Variants in BEGAIN observed in about 807,000 individuals in gnomAD.
The protein encoded by BEGAIN is brain-enriched guanylate kinase-associated protein.
A neutral mutation model predicts 35.8 loss-of-function variants in BEGAIN; 19 were observed. The ratio of observed to expected loss-of-function variants is 0.53; its 90% confidence interval spans 0.37 to 0.78. BEGAIN has a LOEUF of 0.78. Among genes scored for constraint, BEGAIN ranks in the 30% least tolerant of loss-of-function variants. The probability of loss-of-function intolerance (pLI) is 0.00; values close to 1 mark genes in which losing one functional copy is unlikely to be tolerated. For missense variants in BEGAIN, 795 were observed against 853.6 expected (o/e 0.93, Z 0.85); for synonymous variants, 462 against 388.6 (o/e 1.19, Z -2.22).
chr14:100,545,471 A>G (rs995368590), intron 3 of BEGAIN: 1 of 1,010,814 alleles, frequency 9.9e-7, no homozygotes, highest in Non-Finnish European at 1.2e-6. Flanking sequence ...AACACTAACT[A>G]TGTGATGGGC....
Position 100,568,271 on chromosome 14 carries a change from TC to T in BEGAIN, c.43-333del, listed in dbSNP as rs2034890314. On this transcript the variant is annotated intron_variant, in intron 1 of 6. Transcript: ENST00000554140. This position sits in a 1 kb window ranked among gnomAD's most constrained non-coding sequence, Gnocchi z 7.5. ...GCCCGGAGGAGGGGGACTCGGCCTGTCCCCGTTAACTCTCCGGCGGCCGCGG... is the reference window on the plus strand; with the variant it reads ...GCCCGGAGGAGGGGGACTCGGCCTGTCCCGTTAACTCTCCGGCGGCCGCGG... 2 of 661,152 alleles carry T rather than the reference TC, an allele frequency of 3.0e-6. No individual in the cohort carries two copies. Among genetic ancestry groups the T allele is most frequent in the South Asian group, 3.6e-5 (2 of 55,804 alleles). 41.0% of individuals were successfully genotyped at this position (661,152 alleles called of 1,614,324 possible). A position where few individuals can be genotyped will look rare whatever the true frequency, so the allele number is the denominator to read the frequency against.
At chr14:100,562,694 G>A (rs531862113) in intron 2 of BEGAIN, among the ~76,000 whole-genome samples, 1 of 152,138 alleles carries the variant, frequency 6.6e-6, no homozygotes, top group South Asian at 2.1e-4. Flanking sequence ...TGCTCCCTCT[G>A]CCTGGACCTC....
chr14:100,553,698 G>A (rs867255798), intron 2 of BEGAIN, among the ~76,000 whole-genome samples: 2 of 152,076 alleles, frequency 1.3e-5, no homozygotes, highest in Non-Finnish European at 2.9e-5. Flanking sequence ...AGTCTTTCTC[G>A]GTTCCCCCTG....
Position 100,568,780 on chromosome 14 carries a change from G to T in BEGAIN, c.43-841C>A, listed in dbSNP as rs1312395475. 1.6e-5 allele frequency: 13 copies of T among 826,592 alleles called. No individual in the cohort carries two copies. Among genetic ancestry groups the T allele is most frequent in the Non-Finnish European group, 1.8e-5 (12 of 684,314 alleles). 51.2% of individuals were successfully genotyped at this position (826,592 alleles called of 1,614,324 possible). On this transcript the variant is annotated intron_variant, in intron 1 of 6. Transcript: ENST00000554140. This position sits in a 1 kb window ranked among gnomAD's most constrained non-coding sequence, Gnocchi z 7.5. ...GCACTTCCTGCGTGGAGCTGGGGGC[G>T]CCGGGCGGGCTCTCTATCACCCGGG...
rs903532848 is a variant in BEGAIN, at chr14:100,568,435, T to C, written c.43-496A>G. On this transcript the variant is annotated intron_variant, in intron 1 of 6. Coordinates refer to ENST00000554140, the MANE Select transcript of BEGAIN (RefSeq NM_001385089.1). The surrounding 1 kb of genome is among the most constrained non-coding windows in gnomAD (Gnocchi z 7.5). ...CGGGGCCGTGCAGGATTGCAGAACC[T>C]GACACTCACACAATCCGAGGGCGAT... The C allele has an allele frequency of 7.6e-5, 97 of 1,282,780 alleles. No individual in the cohort carries two copies. The African/African-American group carries it at 1.4e-3, about 19-fold the overall frequency. 79.5% of individuals were successfully genotyped at this position (1,282,780 alleles called of 1,614,324 possible). A position where few individuals can be genotyped will look rare whatever the true frequency, so the allele number is the denominator to read the frequency against.
chr14:100,539,150 CGGACAGGCGGGA>C lies in BEGAIN; in HGVS notation c.646_657del (p.Ser216_Ser219del). ...AAGGCCAGGTCGCGGGCGGAGGCAT[CGGACAGGCGGGA>C]GGACAGGCTGGCGGGGTCCGGCTTC... On this transcript the variant is annotated inframe_deletion, in exon 7 of 7. Coordinates refer to ENST00000554140, the MANE Select transcript of BEGAIN (RefSeq NM_001385089.1). 1 of 1,599,906 alleles carries C rather than the reference CGGACAGGCGGGA, an allele frequency of 6.3e-7. No individual in the cohort carries two copies.
In BEGAIN at chr14:100,563,214, G is replaced by A. The variant is rs2034425586; in HGVS notation, c.71+4697C>T. Among the ~76,000 whole-genome samples, 1 of 152,278 alleles carries A rather than the reference G, an allele frequency of 6.6e-6. No homozygotes were observed. Among genetic ancestry groups the A allele is most frequent in the African/African-American group, 2.4e-5 (1 of 41,546 alleles). On this transcript the variant is annotated intron_variant, in intron 2 of 6. Coordinates refer to ENST00000554140, the MANE Select transcript of BEGAIN (RefSeq NM_001385089.1). The surrounding 1 kb of genome is among the most constrained non-coding windows in gnomAD (Gnocchi z 4.2). ...AGGAGTGAAGGAGAGAGTGTGGCCCGAACACCTGGGTGTCCTTGTGCAAAA... is the reference window on the plus strand; with the variant it reads ...AGGAGTGAAGGAGAGAGTGTGGCCCAAACACCTGGGTGTCCTTGTGCAAAA...
rs560279002 is a variant in BEGAIN, at chr14:100,571,608, G to A, written c.43-3669C>T. Among the ~76,000 whole-genome samples, 20 of 152,266 alleles carry A rather than the reference G, an allele frequency of 1.3e-4. 1 individual carries two copies. The South Asian group carries it at 2.5e-3, about 19-fold the overall frequency. On this transcript the variant is annotated intron_variant, in intron 1 of 6. Transcript: ENST00000554140. ...CCTTGCTATCTTCCCTGTGGCACCCGGGCACAGAGACTGGCACACAGTAGG... is the reference window on the plus strand; with the variant it reads ...CCTTGCTATCTTCCCTGTGGCACCCAGGCACAGAGACTGGCACACAGTAGG...
At position 100,551,959 on chromosome 14, in the gene BEGAIN, G is replaced by C. The variant is rs192557310; in HGVS notation, c.72-5297C>G. On this transcript the variant is annotated intron_variant, in intron 2 of 6. Transcript: ENST00000554140. Reference sequence around the variant, plus strand: ...AGGTCTACCCTCAGCAAATGACCCCGGTGCTGCTGAGCGAACAGAAAACAG... The same window carrying C: ...AGGTCTACCCTCAGCAAATGACCCCCGTGCTGCTGAGCGAACAGAAAACAG... Among the ~76,000 whole-genome samples the C allele has an allele frequency of 2.0e-5, 3 of 152,134 alleles. No homozygotes were observed. The East Asian group carries it at 5.8e-4, about 29-fold the overall frequency.
intron 1 of BEGAIN, among the ~76,000 whole-genome samples, chr14:100,581,452 T>C (rs1244602791): frequency 6.6e-6 from 1 of 152,024 alleles, no homozygotes. Flanking sequence ...CAACCTCTCC[T>C]GGAGGGGCTT....
intron 6 of BEGAIN, chr14:100,540,291 C>G (rs2031395666): frequency 1.7e-6 from 1 of 587,794 alleles, no homozygotes; most frequent in Non-Finnish European, 3.0e-6. Context: ...TGGTGAGGGC[C>G]AGGGGCTGCC....
chr14:100,585,296 CTCCCATCCA>C (rs2035414755), intron 1 of BEGAIN, among the ~76,000 whole-genome samples: 1 of 100,926 alleles, frequency 9.9e-6, no homozygotes, highest in African/African-American at 4.1e-5. Context: ...CCTCCCATCC[CTCCCATCCA>C]TCCCTCCTTC....
In BEGAIN at chr14:100,538,118, A is replaced by C; in HGVS notation, c.1690T>G (p.Leu564Val). 1.3e-6 allele frequency: 2 copies of C among 1,563,796 alleles called. No individual in the cohort carries two copies. The highest frequency in any genetic ancestry group is 1.7e-6 in the Non-Finnish European group (2 of 1,157,190). ...PEPEQGSRDSLEPSSMEASPE... is the reference protein window; with the variant it reads ...PEPEQGSRDSVEPSSMEASPE... ...GAGGCCTCCATGGAGCTCGGCTCCA[A>C]GGAGTCCCTGGAACCCTGCTCGGGC... The change falls in exon 7 of 7, where the codon TTG becomes GTG. Residue 564 changes from leucine to valine, a missense_variant. Physicochemically the swap from Leu to Val is conservative, Grantham distance 32. Coordinates refer to ENST00000554140, the MANE Select transcript of BEGAIN (RefSeq NM_001385089.1).
intron 2 of BEGAIN, among the ~76,000 whole-genome samples, chr14:100,554,507 G>A (rs1025756125): frequency 3.3e-5 from 5 of 152,046 alleles, no homozygotes; most frequent in Non-Finnish European, 5.9e-5. Context: ...CTTTGTCCCC[G>A]TGTCCCCTCT....
chr14:100,564,963 C>T (rs1318049909), intron 2 of BEGAIN, among the ~76,000 whole-genome samples: 2 of 152,230 alleles, frequency 1.3e-5, no homozygotes, highest in Non-Finnish European at 2.9e-5. Flanking sequence ...AACTCCTACC[C>T]ATTCTTCATG....
chr14:100,564,567 G>C (rs2034541661), intron 2 of BEGAIN, among the ~76,000 whole-genome samples: 1 of 152,164 alleles, frequency 6.6e-6, no homozygotes, highest in South Asian at 2.1e-4. Context: ...AAATATTTGA[G>C]AGTCACAAGA....
intron 2 of BEGAIN, among the ~76,000 whole-genome samples, chr14:100,565,535 G>T (rs1174618048): frequency 6.6e-6 from 1 of 152,128 alleles, no homozygotes; most frequent in Non-Finnish European, 1.5e-5. Context: ...GGCCCTGGGG[G>T]GTGTGGGAGA....
At position 100,563,074 on chromosome 14, in the gene BEGAIN, C is replaced by T. The variant is rs1341686725; in HGVS notation, c.71+4837G>A. ...CAGGGCAGGACAGGGTCAGGACCTT[C>T]GAGGCCACCTGCTCTCCATCTGTCT... On this transcript the variant is annotated intron_variant, in intron 2 of 6. Transcript: ENST00000554140. This position sits in a 1 kb window ranked among gnomAD's most constrained non-coding sequence, Gnocchi z 4.2. Among the ~76,000 whole-genome samples the T allele has an allele frequency of 1.3e-5, 2 of 152,160 alleles. No individual in the cohort carries two copies. The highest frequency in any genetic ancestry group is 1.9e-4 in the East Asian group (1 of 5,184).
intron 1 of BEGAIN, among the ~76,000 whole-genome samples, chr14:100,571,950 C>T (rs906503231): frequency 2.6e-5 from 4 of 152,208 alleles, no homozygotes; most frequent in African/African-American, 7.2e-5. Context: ...TCCATTCTGC[C>T]GCTGCATCTC....
Sources: gnomAD v4.1 joint callset for allele counts (sites outside exome capture counted in the v4.1 genomes callset) on GRCh38, gnomAD v4.1.1 for gene constraint, Gnocchi (gnomAD v3.1) non-coding constraint, MANE v1.5 for transcripts, NCBI Gene and HGNC (gene_info 2026-07-23, HGNC 2026-07-21) for gene names.